NRXN3: variants seen among roughly 807,000 people sequenced by gnomAD.
NRXN3 encodes the protein neurexin III.
NRXN3 carries 32 observed loss-of-function variants against 137.6 expected under a neutral mutation model. That is an observed-to-expected ratio of 0.23 (90% CI 0.18 to 0.31). The LOEUF (loss-of-function observed/expected upper bound fraction) is 0.31, where lower values mean the gene tolerates loss of function less well. Ranked by LOEUF, NRXN3 falls within the 10% of genes least tolerant of loss-of-function variation. The pLI is 1.00. For missense variants in NRXN3, 1,574 were observed against 2,062.5 expected, an observed-to-expected ratio of 0.76 and a Z score of 4.59; for synonymous variants, 798 against 784.5, an observed-to-expected ratio of 1.02 and a Z score of -0.29.
intron 19 of NRXN3, among the ~76,000 whole-genome samples, chr14:79,743,056 G>A (rs1371791094): frequency 6.6e-6 from 1 of 152,238 alleles, no homozygotes; most frequent in Non-Finnish European, 1.5e-5. Context: ...GGAGATATGA[G>A]ATAATGTTAG....
intron 4 of NRXN3, among the ~76,000 whole-genome samples, chr14:78,592,045 C>A (rs566711297): frequency 6.6e-6 from 1 of 152,244 alleles, no homozygotes; most frequent in South Asian, 2.1e-4. Flanking sequence ...AGTTGCCAGA[C>A]CTATTACGGT....
intron 19 of NRXN3, among the ~76,000 whole-genome samples, chr14:79,723,039 C>A (rs2098851244): frequency 6.6e-6 from 1 of 151,986 alleles, no homozygotes; most frequent in African/African-American, 2.4e-5. Flanking sequence ...TCGATACTAC[C>A]CACTCCATTC....
chr14:78,454,467 A>G (rs960565505), intron 4 of NRXN3, among the ~76,000 whole-genome samples: 10 of 152,194 alleles, frequency 6.6e-5, no homozygotes, highest in African/African-American at 1.7e-4. Flanking sequence ...GCCCCAGTCC[A>G]CACTAATAAA....
intron 15 of NRXN3, among the ~76,000 whole-genome samples, chr14:79,179,572 C>A (rs2062704200): frequency 6.6e-6 from 1 of 152,046 alleles, no homozygotes; most frequent in Admixed American, 6.5e-5. Context: ...TTCAACAAGC[C>A]CTCCCAGATG....
intron 15 of NRXN3, among the ~76,000 whole-genome samples, chr14:79,020,679 A>G (rs1186494305): frequency 2.0e-5 from 3 of 151,704 alleles, no homozygotes; most frequent in Non-Finnish European, 4.4e-5. Context: ...AAGAAAAGAA[A>G]CCCATCAAGG....
intron 6 of NRXN3, among the ~76,000 whole-genome samples, chr14:78,707,572 A>G (rs1325365795): frequency 1.3e-5 from 2 of 152,136 alleles, no homozygotes; most frequent in African/African-American, 4.8e-5. Flanking sequence ...TTTTTTTCCC[A>G]TAGGTTATTG....
intron 10 of NRXN3, among the ~76,000 whole-genome samples, chr14:78,846,166 T>C (rs1166164911): frequency 2.0e-5 from 3 of 152,064 alleles, no homozygotes; most frequent in Non-Finnish European, 4.4e-5. Flanking sequence ...ACATCCAAAA[T>C]GGCAAAAAGA....
intron 16 of NRXN3, among the ~76,000 whole-genome samples, chr14:79,574,054 C>A (rs1356961708): frequency 6.6e-6 from 1 of 151,938 alleles, no homozygotes; most frequent in Non-Finnish European, 1.5e-5. Context: ...TAAGGAAAAA[C>A]ATAAAAGCAA....
At chr14:79,472,185 T>C (rs1330288379) in intron 16 of NRXN3, among the ~76,000 whole-genome samples, 1 of 152,242 alleles carries the variant, frequency 6.6e-6, no homozygotes, top group Non-Finnish European at 1.5e-5. Context: ...TTCTTTTTTA[T>C]GGCTGAAGAG....
rs1238164893 is a variant in NRXN3, at chr14:79,583,627, C to G, written c.3445-80151C>G. Among the ~76,000 whole-genome samples the G allele has an allele frequency of 3.9e-5, 6 of 152,224 alleles. No individual in the cohort carries two copies. In the South Asian group the frequency reaches 6.2e-4, roughly 16 times the overall value. On this transcript the variant is annotated intron_variant, in intron 16 of 20. Coordinates refer to ENST00000335750, the MANE Select transcript of NRXN3 (RefSeq NM_001330195.2). The stretch of plus-strand genomic sequence containing the variant: ...TCTTTTCTATGAACTTAAGATTATA[C>G]TCAAGCCACTCCAGAAAATGACCAT...
chr14:79,127,688 A>C (rs1278016008), intron 15 of NRXN3, among the ~76,000 whole-genome samples: 2 of 152,104 alleles, frequency 1.3e-5, no homozygotes, highest in Non-Finnish European at 1.5e-5. Flanking sequence ...TGAACTTTAA[A>C]GTAGTTTTTT....
At chr14:78,589,845 G>A (rs989524710) in intron 4 of NRXN3, among the ~76,000 whole-genome samples, 4 of 152,094 alleles carry the variant, frequency 2.6e-5, no homozygotes, top group Admixed American at 2.6e-4. Context: ...GAATCAAATG[G>A]CCTTAAATTT....
chr14:78,904,655 G>A (rs926998156), intron 10 of NRXN3, among the ~76,000 whole-genome samples: 12 of 152,030 alleles, frequency 7.9e-5, no homozygotes, highest in Admixed American at 2.6e-4. Context: ...ATGATTTGCT[G>A]ACCGTTCCAG....
At chr14:79,771,014 A>G (rs1244231614) in intron 19 of NRXN3, among the ~76,000 whole-genome samples, 2 of 152,354 alleles carry the variant, frequency 1.3e-5, no homozygotes, top group African/African-American at 2.4e-5. Flanking sequence ...CAAATAAACT[A>G]GAAAATCTAG....
intron 15 of NRXN3, among the ~76,000 whole-genome samples, chr14:79,129,098 A>C (rs1227130324): frequency 6.6e-6 from 1 of 152,012 alleles, no homozygotes; most frequent in African/African-American, 2.4e-5. Flanking sequence ...CTAGCAGTCT[A>C]TCAATTTTGT....
intron 20 of NRXN3, among the ~76,000 whole-genome samples, chr14:79,826,696 T>C (rs2099303329): frequency 6.6e-6 from 1 of 152,220 alleles, no homozygotes; most frequent in South Asian, 2.1e-4. Context: ...CATAATGGGC[T>C]TTGGGATTAT....
chr14:78,210,336 A>G (rs8005337), intron 1 of NRXN3, among the ~76,000 whole-genome samples: 84,929 of 151,868 alleles, frequency 0.56, 24,408 homozygotes, highest in Middle Eastern at 0.68. Context: ...CACTAATCCC[A>G]TTCATGAAGG....
intron 4 of NRXN3, among the ~76,000 whole-genome samples, chr14:78,329,227 C>A (rs1279183744): frequency 2.0e-5 from 3 of 152,088 alleles, no homozygotes; most frequent in Non-Finnish European, 2.9e-5. Context: ...TACAGGGAAA[C>A]CTTCTCTGAG....
chr14:78,333,203 C>T (rs2081044434), intron 4 of NRXN3, among the ~76,000 whole-genome samples: 1 of 152,148 alleles, frequency 6.6e-6, no homozygotes, highest in Non-Finnish European at 1.5e-5. Flanking sequence ...CTGGTAAATT[C>T]TGCAGGCCTA....
Sources: allele counts gnomAD v4.1 joint callset (sites outside exome capture counted in the v4.1 genomes callset), GRCh38; gene constraint gnomAD v4.1.1; transcripts MANE v1.5; gene names NCBI Gene and HGNC (gene_info 2026-07-23, HGNC 2026-07-21).